DPP10: variants seen among roughly 807,000 people sequenced by gnomAD.
DPP10 encodes inactive dipeptidyl peptidase 10.
DPP10 carries 33 observed loss-of-function variants against 120.9 expected under a neutral mutation model. That is an observed-to-expected ratio of 0.27 (90% CI 0.21 to 0.37). DPP10 has a LOEUF of 0.37. DPP10 is among the 10% of genes least tolerant of loss of function. The probability of loss-of-function intolerance (pLI) is 1.00; values close to 1 mark genes in which losing one functional copy is unlikely to be tolerated. For missense variants in DPP10, 816 were observed against 942.8 expected (o/e 0.87, Z 1.76); for synonymous variants, 337 against 326.1 (o/e 1.03, Z -0.36).
chr2:114,770,128 A>G (rs1278785655), intron 1 of DPP10, among the ~76,000 whole-genome samples: 1 of 152,128 alleles, frequency 6.6e-6, no homozygotes, highest in African/African-American at 2.4e-5. Context: ...AAGAGAAAAA[A>G]TAGAGTACCA....
intron 1 of DPP10, among the ~76,000 whole-genome samples, chr2:114,854,473 A>C (rs548441170): frequency 6.6e-6 from 1 of 152,306 alleles, no homozygotes; most frequent in South Asian, 2.1e-4. Context: ...AGCTGATTGA[A>C]AACACAAAGC....
chr2:114,912,921 AG>A (rs1180307679), intron 1 of DPP10, among the ~76,000 whole-genome samples: 1 of 152,136 alleles, frequency 6.6e-6, no homozygotes, highest in African/African-American at 2.4e-5. Context: ...TCATAACCTT[AG>A]GATCCCATCC....
At chr2:114,985,606 C>A (rs970673011) in intron 1 of DPP10, among the ~76,000 whole-genome samples, 12 of 152,082 alleles carry the variant, frequency 7.9e-5, no homozygotes, top group African/African-American at 1.7e-4. Context: ...ACAAATGAGC[C>A]AAGGAAAATG....
At chr2:114,974,160 G>A (rs944525827) in intron 1 of DPP10, among the ~76,000 whole-genome samples, 12 of 152,176 alleles carry the variant, frequency 7.9e-5, no homozygotes, top group Admixed American at 7.9e-4. Context: ...GCAGTGAACA[G>A]TAATGTCCTA....
chr2:114,791,391 G>A (rs190887369), intron 1 of DPP10, among the ~76,000 whole-genome samples: 2,850 of 152,250 alleles, frequency 0.019, 87 homozygotes, highest in African/African-American at 0.065. Context: ...GCTGGAATGA[G>A]TAGAGGAAAT....
chr2:115,492,470 G>A (rs1384635876), intron 3 of DPP10, among the ~76,000 whole-genome samples: 4 of 152,052 alleles, frequency 2.6e-5, no homozygotes, highest in African/African-American at 9.7e-5. Context: ...CTTTGGAGAA[G>A]CTCTTAAATA....
chr2:115,671,353 A>G (rs2089858855), intron 5 of DPP10, among the ~76,000 whole-genome samples: 1 of 152,042 alleles, frequency 6.6e-6, no homozygotes, highest in East Asian at 1.9e-4. Context: ...TTGACTTACT[A>G]AATAGATTTG....
At chr2:115,214,691 G>A (rs916029849) in intron 1 of DPP10, among the ~76,000 whole-genome samples, 1 of 152,170 alleles carries the variant, frequency 6.6e-6, no homozygotes, top group South Asian at 2.1e-4. Flanking sequence ...AACACTCAAT[G>A]ATCTTATATC....
intron 1 of DPP10, among the ~76,000 whole-genome samples, chr2:115,136,424 C>T (rs1032115706): frequency 5.3e-5 from 8 of 152,126 alleles, no homozygotes; most frequent in Admixed American, 1.3e-4. Context: ...ATAGTATTTA[C>T]AGGTCGCATC....
intron 5 of DPP10, among the ~76,000 whole-genome samples, chr2:115,670,146 T>G (rs1420726528): frequency 6.6e-6 from 1 of 152,066 alleles, no homozygotes; most frequent in Non-Finnish European, 1.5e-5. Flanking sequence ...CTTTCTTGTT[T>G]CTCTTATAAG....
chr2:115,641,773 A>AG (rs58839983), intron 5 of DPP10, among the ~76,000 whole-genome samples: 9,877 of 152,246 alleles, frequency 0.065, 1,021 homozygotes, highest in African/African-American at 0.22. Context: ...TATATTTGAC[A>AG]TTTGGTAGGC....
At chr2:115,442,389 G>GCGCC (rs57607529) in intron 3 of DPP10, among the ~76,000 whole-genome samples, 1 of 151,398 alleles carries the variant, frequency 6.6e-6, no homozygotes, top group African/African-American at 2.4e-5. Flanking sequence ...GTGTGTGTGC[G>GCGCC]TGTGTCGTTT....
intron 1 of DPP10, among the ~76,000 whole-genome samples, chr2:115,212,891 T>C (rs918811591): frequency 1.1e-4 from 16 of 152,138 alleles, no homozygotes; most frequent in Admixed American, 3.3e-4. Flanking sequence ...GTTATTCACA[T>C]TGGTTTATCA....
At chr2:115,165,699 G>T (rs888053632) in intron 1 of DPP10, among the ~76,000 whole-genome samples, 1 of 152,108 alleles carries the variant, frequency 6.6e-6, no homozygotes, top group Non-Finnish European at 1.5e-5. Context: ...TTTAGAGTTT[G>T]TTCACATTTC....
chr2:115,532,408 T>G (rs2078525173), intron 5 of DPP10, among the ~76,000 whole-genome samples: 1 of 152,118 alleles, frequency 6.6e-6, no homozygotes, highest in African/African-American at 2.4e-5. Flanking sequence ...AAGTTCTTAT[T>G]TATCTTTACA....
chr2:114,957,915 G>A (rs1387547138), intron 1 of DPP10, among the ~76,000 whole-genome samples: 1 of 152,184 alleles, frequency 6.6e-6, no homozygotes. Flanking sequence ...AACTCATACA[G>A]GTAGAGAGAA....
chr2:115,418,982 T>C (rs765044152), intron 3 of DPP10, among the ~76,000 whole-genome samples: 3 of 152,162 alleles, frequency 2.0e-5, no homozygotes, highest in African/African-American at 4.8e-5. Flanking sequence ...CTTCTAATGA[T>C]TGTATGAAGT....
At chr2:115,363,523 A>T (rs1193823994) in intron 3 of DPP10, among the ~76,000 whole-genome samples, 1 of 152,188 alleles carries the variant, frequency 6.6e-6, no homozygotes, top group Non-Finnish European at 1.5e-5. Flanking sequence ...ACAGTACCTG[A>T]AATGGGAAGG....
chr2:114,575,241 G>T (rs2105043991), intron 1 of DPP10, among the ~76,000 whole-genome samples: 1 of 152,230 alleles, frequency 6.6e-6, no homozygotes, highest in Admixed American at 6.5e-5. Flanking sequence ...GGAGACAAAA[G>T]AATAGCTGGC....
Sources: gnomAD v4.1 joint callset for allele counts (sites outside exome capture counted in the v4.1 genomes callset) on GRCh38, gnomAD v4.1.1 for gene constraint, MANE v1.5 for transcripts, NCBI Gene and HGNC (gene_info 2026-07-23, HGNC 2026-07-21) for gene names.